The following MKLN1 variants were observed in gnomAD, a reference collection of about 807,000 sequenced individuals.
The protein encoded by MKLN1 is muskelin.
In MKLN1, 18 loss-of-function variants were observed where a neutral mutation model predicts 99.0. The ratio of observed to expected loss-of-function variants is 0.18; its 90% CI spans 0.13 to 0.27. The LOEUF (loss-of-function observed/expected upper bound fraction) is 0.27, where lower values mean the gene tolerates loss of function less well. Ranked by LOEUF, MKLN1 falls within the 10% of genes least tolerant of loss-of-function variation. The pLI is 1.00. For missense variants in MKLN1, 621 were observed against 875.9 expected, an observed-to-expected ratio of 0.71 and a Z score of 3.67; for synonymous variants, 288 against 293.2, an observed-to-expected ratio of 0.98 and a Z score of 0.18.
intron 4 of MKLN1, among the ~76,000 whole-genome samples, chr7:131,393,827 A>G (rs941657130): frequency 6.6e-6 from 1 of 151,864 alleles, no homozygotes; most frequent in South Asian, 2.1e-4. Flanking sequence ...GGGTCTCACT[A>G]TATTTCCAGG....
Position 131,464,284 on chromosome 7 carries a change from T to C in MKLN1, c.1674-10T>C. ...ATTCTCTAGAATGCCTTAAAAGCAATGTCTTGCAGGTCTTGTGTCTATAAG... is the reference window on the plus strand; with the variant it reads ...ATTCTCTAGAATGCCTTAAAAGCAACGTCTTGCAGGTCTTGTGTCTATAAG... On this transcript the variant is annotated splice_polypyrimidine_tract_variant and intron_variant, in intron 13 of 17. Transcript: ENST00000352689. The C allele has an allele frequency of 2.0e-6, 3 of 1,536,740 alleles. No homozygotes were observed. Among genetic ancestry groups the C allele is most frequent in the Non-Finnish European group, 2.7e-6 (3 of 1,112,128 alleles).
chr7:131,327,863 G>C, upstream of MKLN1: 1 of 1,604,550 alleles, frequency 6.2e-7, no homozygotes, highest in Non-Finnish European at 8.5e-7. Context: ...CCCGTTCGCT[G>C]CCAGCGGTCG....
chr7:131,272,091 C>T (rs1183874606), intron 3 of MKLN1, among the ~76,000 whole-genome samples: 5 of 152,162 alleles, frequency 3.3e-5, no homozygotes, highest in African/African-American at 4.8e-5. Context: ...GTAAGTTTGC[C>T]TTTGCTTCCT....
chr7:131,179,721 C>G (rs549376279), intron 2 of MKLN1, among the ~76,000 whole-genome samples: 1 of 151,840 alleles, frequency 6.6e-6, no homozygotes, highest in South Asian at 2.1e-4. Context: ...ACTACAGGTG[C>G]ATGCTGCCAT....
intron 3 of MKLN1, among the ~76,000 whole-genome samples, chr7:131,285,530 G>T (rs1252952420): frequency 6.6e-6 from 1 of 152,186 alleles, no homozygotes; most frequent in Non-Finnish European, 1.5e-5. Flanking sequence ...CTTGCCGAAA[G>T]TCAACTTCTA....
intron 3 of MKLN1, among the ~76,000 whole-genome samples, chr7:131,286,970 G>A (rs1380526647): frequency 6.6e-6 from 1 of 152,160 alleles, no homozygotes; most frequent in African/African-American, 2.4e-5. Flanking sequence ...GGAAGTAGTG[G>A]TGCACACCTG....
rs374896170 is a variant in MKLN1 at position 131,387,167 on chromosome 7, A to G, written c.216A>G (p.Thr72=). The G allele has an allele frequency of 3.1e-6, 5 of 1,612,608 alleles. No individual in the cohort carries two copies. Among genetic ancestry groups the G allele is most frequent in the African/African-American group, 1.3e-5 (1 of 74,872 alleles). Residue 72 remains threonine (T), a synonymous_variant, in exon 3 of 18, where the codon ACA becomes ACG. Transcript: ENST00000352689. The part of the protein sequence containing the change: ...LERPAIVQNI[T]FGKYEKTHVC... ...GGCCTGCTATAGTTCAGAATATCAC[A>G]TTTGGAAAATATGAGAAAACTCATG...
chr7:131,301,669 C>T (rs113055862), intron 3 of MKLN1, among the ~76,000 whole-genome samples: 2,972 of 152,108 alleles, frequency 0.02, 86 homozygotes, highest in African/African-American at 0.068. Context: ...GTAGGACAGC[C>T]CTGTGTTTTC....
At chr7:131,285,421 C>G (rs1256570689) in intron 3 of MKLN1, among the ~76,000 whole-genome samples, 1 of 152,196 alleles carries the variant, frequency 6.6e-6, no homozygotes, top group Non-Finnish European at 1.5e-5. Context: ...CACAGGATAG[C>G]CTAACCCAAT....
At chr7:131,259,210 C>T (rs1218745901) in intron 3 of MKLN1, among the ~76,000 whole-genome samples, 1 of 152,146 alleles carries the variant, frequency 6.6e-6, no homozygotes, top group African/African-American at 2.4e-5. Context: ...AAAGTCTGGC[C>T]TTCCAGAGTG....
At chr7:131,132,419 G>T (rs1365124251) in intron 1 of MKLN1, among the ~76,000 whole-genome samples, 1 of 152,094 alleles carries the variant, frequency 6.6e-6, no homozygotes, top group Admixed American at 6.5e-5. Flanking sequence ...GCAGCCAACT[G>T]GTAACAAAAG....
chr7:131,280,271 G>A (rs377330290), intron 3 of MKLN1, among the ~76,000 whole-genome samples: 1 of 152,102 alleles, frequency 6.6e-6, no homozygotes, highest in Admixed American at 6.6e-5. Flanking sequence ...GAGCATTCAC[G>A]TACAGGTTTC....
chr7:131,375,879 T>C (rs559592043), intron 2 of MKLN1, among the ~76,000 whole-genome samples: 3 of 149,952 alleles, frequency 2.0e-5, no homozygotes, highest in African/African-American at 4.9e-5. Flanking sequence ...TTAAATGGCA[T>C]CAGGACCATG....
rs1294066966 is a variant in MKLN1 at position 131,492,716 on chromosome 7, C to T, written c.*4988C>T. Reference sequence around the variant, plus strand: ...CGACACTGCACTCCAGCCTGGGCAACAGAGCAAGACCCTGTCTCAAAAAAA... The same window carrying T: ...CGACACTGCACTCCAGCCTGGGCAATAGAGCAAGACCCTGTCTCAAAAAAA... On this transcript the variant is annotated 3_prime_UTR_variant, in exon 18 of 18. Coordinates refer to ENST00000352689, the MANE Select transcript of MKLN1 (RefSeq NM_013255.5). The T allele has an allele frequency of 1.6e-5, 2 of 124,468 alleles. No homozygotes were observed. Among genetic ancestry groups the T allele is most frequent in the Admixed American group, 9.7e-5 (1 of 10,286 alleles). 7.7% of individuals were successfully genotyped at this position (124,468 alleles called of 1,614,324 possible). A position where few individuals can be genotyped will look rare whatever the true frequency, so the allele number is the denominator to read the frequency against.
chr7:131,234,559 G>A (rs1797288771), intron 3 of MKLN1, among the ~76,000 whole-genome samples: 1 of 152,124 alleles, frequency 6.6e-6, no homozygotes, highest in South Asian at 2.1e-4. Context: ...TGTCTTTTCT[G>A]GTGGTGTTCC....
intron 10 of MKLN1, among the ~76,000 whole-genome samples, chr7:131,439,808 C>G (rs1217545218): frequency 6.6e-6 from 1 of 151,532 alleles, no homozygotes; most frequent in African/African-American, 2.4e-5. Flanking sequence ...TCAAGCTTTC[C>G]TTGATGTTGC....
chr7:131,335,636 T>C (rs1366003955), intron 1 of MKLN1, among the ~76,000 whole-genome samples: 1 of 152,052 alleles, frequency 6.6e-6, no homozygotes, highest in East Asian at 1.9e-4. Context: ...TACATGTTCA[T>C]TATCATTTAT....
chr7:131,370,201 GC>G (rs1462026342), intron 1 of MKLN1, among the ~76,000 whole-genome samples: 1 of 152,074 alleles, frequency 6.6e-6, no homozygotes, highest in Non-Finnish European at 1.5e-5. Flanking sequence ...ATTCAGTTGT[GC>G]ATCATTTAAT....
intron 1 of MKLN1, among the ~76,000 whole-genome samples, chr7:131,328,613 AAGAT>A (rs1488649723): frequency 6.6e-6 from 1 of 152,154 alleles, no homozygotes; most frequent in African/African-American, 2.4e-5. Context: ...AGTTCTGAAA[AAGAT>A]AGGGAGTGGG....
Sources: allele counts gnomAD v4.1 joint callset (sites outside exome capture counted in the v4.1 genomes callset), GRCh38; gene constraint gnomAD v4.1.1; transcripts MANE v1.5; gene names NCBI Gene and HGNC (gene_info 2026-07-23, HGNC 2026-07-21).